Variants in DTNA observed in about 807,000 individuals in gnomAD.
DTNA encodes dystrophin-related protein 3.
A neutral mutation model predicts 100.7 loss-of-function variants in DTNA; 43 were observed. That is an observed-to-expected ratio of 0.43 (90% CI 0.33 to 0.55). The LOEUF (loss-of-function observed/expected upper bound fraction) is 0.55. DTNA is among the 20% of genes least tolerant of loss of function. The probability of loss-of-function intolerance (pLI) is 0.04; values close to 1 mark genes in which losing one functional copy is unlikely to be tolerated. For synonymous variants in DTNA, 349 were observed against 347.9 expected (o/e 1.00, Z -0.04); for missense variants, 798 against 953.9 (o/e 0.84, Z 2.15).
At chr18:34,656,733 AAAGAG>A (rs770447457) in intron 1 of DTNA, among the ~76,000 whole-genome samples, 3 of 152,236 alleles carry the variant, frequency 2.0e-5, no homozygotes, top group African/African-American at 7.2e-5. Flanking sequence ...AAACTGAAAC[AAAGAG>A]AAGAGAAAAT....
chr18:34,598,958 C>T lies in DTNA; in HGVS notation c.-2+105444C>T, dbSNP rs541899812. ...AGAAAAACTGTATTTGTTTATTAAA[C>T]ATTGAATATAGTTGATGGGAACCAG... On this transcript the variant is annotated intron_variant, in intron 1 of 19. Coordinates refer to the DTNA transcript ENST00000283365. 9.4e-4 allele frequency among the ~76,000 whole-genome samples: 143 copies of T among 152,296 alleles called. No homozygotes were observed. The Middle Eastern group carries it at 0.014, about 14-fold the overall frequency.
chr18:34,742,629 T>TTCTATTATCTATCTATCTAGATAGATAA (rs2090877209), intron 1 of DTNA, among the ~76,000 whole-genome samples: 9 of 137,690 alleles, frequency 6.5e-5, no homozygotes, highest in African/African-American at 8.4e-5. Flanking sequence ...TCTGATTATC[T>TTCTATTATCTATCTATCTAGATAGATAA]TCTATTATCT....
rs1366870085 is a variant in DTNA, at chr18:34,756,477, T to TG, written c.67+434_67+435insG. ...TGACTTTCTTCCCTGCAAAGTGATA[T>TG]CATATGTTTATGTGGAAAGGAGAAG... is the stretch of plus-strand genomic sequence containing the variant. On this transcript the variant is annotated intron_variant, in intron 2 of 22. Transcript: ENST00000444659. 2.0e-5 allele frequency among the ~76,000 whole-genome samples: 3 copies of TG among 152,212 alleles called. No homozygotes were observed. The East Asian group carries it at 5.8e-4, about 29-fold the overall frequency.
In DTNA at chr18:34,546,313, T is replaced by A. The variant is rs1410476153; in HGVS notation, c.-2+52799T>A. Among the ~76,000 whole-genome samples the A allele has an allele frequency of 2.0e-5, 3 of 152,096 alleles. No individual in the cohort carries two copies. In the East Asian group the frequency reaches 5.8e-4, roughly 29 times the overall value. On this transcript the variant is annotated intron_variant, in intron 1 of 19. Transcript: ENST00000283365. ...CTCATCCTAACTGAACACCTTATGT[T>A]CATTCTGCAACTCTGGGTCAGTAAA...
intron 1 of DTNA, among the ~76,000 whole-genome samples, chr18:34,549,093 G>A (rs1206234326): frequency 1.3e-5 from 2 of 151,700 alleles, no homozygotes; most frequent in South Asian, 2.1e-4. Flanking sequence ...CCTGCCTCCT[G>A]GTGTTTTCTT....
At chr18:34,609,635 GTT>G (rs2053843160) in intron 1 of DTNA, among the ~76,000 whole-genome samples, 1 of 152,072 alleles carries the variant, frequency 6.6e-6, no homozygotes, top group Non-Finnish European at 1.5e-5. Context: ...TTCAAAATTT[GTT>G]TTGACTCATA....
rs770527817 is a variant in DTNA at position 34,888,774 on chromosome 18, C to A, written c.*1040C>A. 1.0e-6 allele frequency: 1 copy of A among 985,758 alleles called. No homozygotes were observed. Among genetic ancestry groups the A allele is most frequent in the African/African-American group, 1.7e-5 (1 of 57,228 alleles). 61.1% of individuals were successfully genotyped at this position (985,758 alleles called of 1,614,324 possible). A position where few individuals can be genotyped will look rare whatever the true frequency, so the allele number is the denominator to read the frequency against. On this transcript the variant is annotated 3_prime_UTR_variant, in exon 23 of 23. Transcript: ENST00000444659. Reference sequence around the variant, plus strand: ...GAAGCATGTCTTTAACAGCACCGCTCGTTCACAAGTTCCCCCATCAAGTTG... The same window carrying A: ...GAAGCATGTCTTTAACAGCACCGCTAGTTCACAAGTTCCCCCATCAAGTTG...
At chr18:34,782,050 A>T (rs2094345253) in intron 3 of DTNA, among the ~76,000 whole-genome samples, 1 of 152,340 alleles carries the variant, frequency 6.6e-6, no homozygotes, top group East Asian at 1.9e-4. Context: ...TCTGTGGAAA[A>T]CTATGCCCAA....
At chr18:34,784,672 G>A (rs1035561688) in intron 3 of DTNA, among the ~76,000 whole-genome samples, 2 of 152,200 alleles carry the variant, frequency 1.3e-5, no homozygotes, top group African/African-American at 4.8e-5. Flanking sequence ...TAGGTCATCT[G>A]AGTGTGTCTT....
At chr18:34,887,376 G>A (rs2096931240) in intron 22 of DTNA, among the ~76,000 whole-genome samples, 2 of 152,102 alleles carry the variant, frequency 1.3e-5, no homozygotes, top group South Asian at 2.1e-4. Flanking sequence ...ACATCCAAGT[G>A]GAAATTAGAG....
At chr18:34,867,597 T>C (rs2096719783) in intron 17 of DTNA, 1 of 1,034,312 alleles carries the variant, frequency 9.7e-7, no homozygotes, top group Non-Finnish European at 1.2e-6. Flanking sequence ...GGAAATAAGG[T>C]TCAATTATAA....
At chr18:34,683,930 C>A (rs1313050189) in intron 1 of DTNA, among the ~76,000 whole-genome samples, 1 of 151,998 alleles carries the variant, frequency 6.6e-6, no homozygotes. Context: ...AAGGAAGAGA[C>A]CCCTGAAACA....
chr18:34,529,889 A>G (rs2042982011), intron 1 of DTNA, among the ~76,000 whole-genome samples: 1 of 152,144 alleles, frequency 6.6e-6, no homozygotes, highest in Admixed American at 6.6e-5. Context: ...ATGCTTCAGA[A>G]GTACCTCAGT....
intron 4 of DTNA, among the ~76,000 whole-genome samples, chr18:34,801,714 T>A (rs1206479360): frequency 6.6e-6 from 1 of 152,036 alleles, no homozygotes; most frequent in East Asian, 1.9e-4. Context: ...TTTCACCATG[T>A]TGGCCAGGAT....
Position 34,888,735 on chromosome 18 carries a change from C to G in DTNA, c.*1001C>G. The G allele has an allele frequency of 1.0e-6, 1 of 985,848 alleles. No individual in the cohort carries two copies. The highest frequency in any genetic ancestry group is 1.2e-6 in the Non-Finnish European group (1 of 829,944). 61.1% of individuals were successfully genotyped at this position (985,848 alleles called of 1,614,324 possible). ...TGCTCTTCCATGGTCTTGTTCCTCT[C>G]GTTTTGGCTTTAGGAAGCATGTCTT... On this transcript the variant is annotated 3_prime_UTR_variant, in exon 23 of 23. Transcript: ENST00000444659.
At chr18:34,626,958 TCA>T (rs531301395) in intron 1 of DTNA, among the ~76,000 whole-genome samples, 117 of 152,342 alleles carry the variant, frequency 7.7e-4, no homozygotes, top group Middle Eastern at 3.4e-3. Flanking sequence ...CCATGTGGAC[TCA>T]CATGCTCCTG....
At chr18:34,607,464 A>C (rs1403780560) in intron 1 of DTNA, among the ~76,000 whole-genome samples, 1 of 152,120 alleles carries the variant, frequency 6.6e-6, no homozygotes, top group African/African-American at 2.4e-5. Context: ...GAGCTCCCCT[A>C]TTTTTTCTAC....
At chr18:34,621,478 A>G (rs181148405) in intron 1 of DTNA, among the ~76,000 whole-genome samples, 3 of 152,302 alleles carry the variant, frequency 2.0e-5, no homozygotes, top group South Asian at 2.1e-4. Context: ...GATATCTGCA[A>G]TCTCTACTGT....
chr18:34,717,409 G>A (rs889132496), intron 1 of DTNA, among the ~76,000 whole-genome samples: 1 of 152,146 alleles, frequency 6.6e-6, no homozygotes, highest in South Asian at 2.1e-4. Context: ...AAGAAGGTGA[G>A]TATTCTTTGT....
Sources: allele counts gnomAD v4.1 joint callset (sites outside exome capture counted in the v4.1 genomes callset), GRCh38; gene constraint gnomAD v4.1.1; transcripts MANE v1.5; gene names NCBI Gene and HGNC (gene_info 2026-07-23, HGNC 2026-07-21).